Variants in NLGN1 observed in about 807,000 individuals in gnomAD.
The protein encoded by NLGN1 is neuroligin-1.
In NLGN1, 12 loss-of-function variants were observed where a neutral mutation model predicts 65.5. The observed-to-expected ratio is 0.18, with a 90% confidence interval of 0.12 to 0.30. NLGN1 has a LOEUF of 0.30. Ranked by LOEUF, NLGN1 falls within the 10% of genes least tolerant of loss-of-function variation. The pLI, the probability that NLGN1 is intolerant of heterozygous loss-of-function variation, is 1.00. For synonymous variants in NLGN1, 350 were observed against 359.5 expected (o/e 0.97, Z 0.30); for missense variants, 750 against 1,007.1 (o/e 0.74, Z 3.46).
intron 3 of NLGN1, among the ~76,000 whole-genome samples, chr3:173,608,934 C>A (rs183009016): frequency 1.3e-5 from 2 of 151,892 alleles, no homozygotes; most frequent in Non-Finnish European, 2.9e-5. Context: ...ATTACTTTTG[C>A]GCCAATCTAA....
intron 2 of NLGN1, among the ~76,000 whole-genome samples, chr3:173,518,152 A>C (rs753681268): frequency 6.6e-6 from 1 of 152,238 alleles, no homozygotes; most frequent in Non-Finnish European, 1.5e-5. Flanking sequence ...ATATCAGTGC[A>C]GTGTGTTACC....
intron 3 of NLGN1, among the ~76,000 whole-genome samples, chr3:173,732,040 C>T (rs1442052257): frequency 6.6e-6 from 1 of 151,914 alleles, no homozygotes; most frequent in Non-Finnish European, 1.5e-5. Flanking sequence ...CTCTAATATA[C>T]CAGTGGTTAG....
chr3:174,092,969 G>A (rs1744805985), intron 4 of NLGN1, among the ~76,000 whole-genome samples: 1 of 152,076 alleles, frequency 6.6e-6, no homozygotes, highest in South Asian at 2.1e-4. Flanking sequence ...TTTTAGAAAG[G>A]AGCAGTCCCA....
chr3:173,993,654 T>TGATTGATA (rs1721607869), intron 4 of NLGN1, among the ~76,000 whole-genome samples: 1 of 147,376 alleles, frequency 6.8e-6, no homozygotes, highest in African/African-American at 2.5e-5. Context: ...GCTAGATAGA[T>TGATTGATA]GATAGATAGA....
intron 4 of NLGN1, among the ~76,000 whole-genome samples, chr3:174,137,358 G>T (rs1721402509): frequency 1.3e-5 from 2 of 152,070 alleles, no homozygotes; most frequent in South Asian, 4.2e-4. Context: ...TCTAATATTA[G>T]GATTGGATAT....
chr3:173,699,907 G>T (rs1235739942), intron 3 of NLGN1, among the ~76,000 whole-genome samples: 3 of 152,122 alleles, frequency 2.0e-5, no homozygotes, highest in Admixed American at 2.0e-4. Flanking sequence ...AAAGAAAAGA[G>T]AACTTTTCTG....
chr3:173,414,895 A>G (rs1346378634), intron 1 of NLGN1, among the ~76,000 whole-genome samples: 5 of 152,208 alleles, frequency 3.3e-5, no homozygotes, highest in African/African-American at 1.2e-4. Flanking sequence ...CAGAGCAGGG[A>G]AGAGGCCCTA....
At chr3:173,420,943 A>G (rs559304933) in intron 1 of NLGN1, among the ~76,000 whole-genome samples, 1 of 152,270 alleles carries the variant, frequency 6.6e-6, no homozygotes, top group African/African-American at 2.4e-5. Context: ...AATTTATTGT[A>G]TATTTCTAAT....
At chr3:173,639,310 G>A (rs1470903906) in intron 3 of NLGN1, among the ~76,000 whole-genome samples, 2 of 152,180 alleles carry the variant, frequency 1.3e-5, no homozygotes, top group African/African-American at 4.8e-5. Context: ...GAGGTTCAAC[G>A]AGACAGGTGG....
intron 4 of NLGN1, among the ~76,000 whole-genome samples, chr3:173,913,030 A>G (rs1360896667): frequency 2.0e-5 from 3 of 152,174 alleles, no homozygotes; most frequent in South Asian, 2.1e-4. Flanking sequence ...TGCATTTAAA[A>G]TCCCTCTTTC....
intron 3 of NLGN1, among the ~76,000 whole-genome samples, chr3:173,676,587 G>A (rs1763202730): frequency 6.6e-6 from 1 of 151,818 alleles, no homozygotes; most frequent in African/African-American, 2.4e-5. Flanking sequence ...TGTACTTTTT[G>A]TATAAATTCA....
chr3:173,638,737 T>G (rs1756972922), intron 3 of NLGN1, among the ~76,000 whole-genome samples: 1 of 152,176 alleles, frequency 6.6e-6, no homozygotes, highest in Non-Finnish European at 1.5e-5. Flanking sequence ...AAATATCAAT[T>G]TTAAAAATAT....
chr3:173,590,309 G>A (rs1327446454), intron 2 of NLGN1, among the ~76,000 whole-genome samples: 1 of 152,054 alleles, frequency 6.6e-6, no homozygotes. Flanking sequence ...TTTCTTATGG[G>A]TAGAAAAAGT....
intron 4 of NLGN1, among the ~76,000 whole-genome samples, chr3:173,884,601 T>C (rs75872781): frequency 2.0e-5 from 3 of 152,270 alleles, no homozygotes; most frequent in East Asian, 3.9e-4. Context: ...CACATACTGA[T>C]AGTATATGGA....
chr3:173,610,745 G>C (rs1752151928), intron 3 of NLGN1, among the ~76,000 whole-genome samples: 1 of 151,882 alleles, frequency 6.6e-6, no homozygotes, highest in South Asian at 2.1e-4. Flanking sequence ...TAACTTTTGT[G>C]GGGTGGTGTG....
intron 4 of NLGN1, among the ~76,000 whole-genome samples, chr3:174,181,778 T>TACACATACACACACACAC (rs1335084071): frequency 7.0e-6 from 1 of 142,592 alleles, no homozygotes; most frequent in African/African-American, 2.6e-5. Context: ...AAAATAAAAA[T>TACACATACACACACACAC]ACACACACAC....
At chr3:173,541,039 G>A (rs912863309) in intron 2 of NLGN1, among the ~76,000 whole-genome samples, 2 of 152,052 alleles carry the variant, frequency 1.3e-5, no homozygotes, top group Non-Finnish European at 2.9e-5. Flanking sequence ...GCACAGTGAC[G>A]TGCCATCCCA....
At position 173,492,425 on chromosome 3, in the gene NLGN1, A is replaced by G. The variant is rs960666005; in HGVS notation, c.-321+57347A>G. 2.0e-5 allele frequency among the ~76,000 whole-genome samples: 3 copies of G among 151,946 alleles called. 1 individual carries two copies. The highest frequency in any genetic ancestry group is 1.9e-4 in the East Asian group (1 of 5,180). On this transcript the variant is annotated intron_variant, in intron 2 of 6. Coordinates refer to ENST00000457714, the Ensembl canonical transcript of NLGN1. The stretch of plus-strand genomic sequence containing the variant: ...AGGCATATTAATTGGTACATGCACA[A>G]TACTGCAGATATATATTTCTTATGG...
chr3:173,837,899 G>T (rs142368409), intron 4 of NLGN1, among the ~76,000 whole-genome samples: 118 of 152,262 alleles, frequency 7.7e-4, no homozygotes, highest in Middle Eastern at 6.8e-3. Flanking sequence ...CAGTTCTAGA[G>T]AATCAGTATT....
Sources: gnomAD v4.1 joint callset for allele counts (sites outside exome capture counted in the v4.1 genomes callset) on GRCh38, gnomAD v4.1.1 for gene constraint, MANE v1.5 for transcripts, NCBI Gene and HGNC (gene_info 2026-07-23, HGNC 2026-07-21) for gene names.